Variants in HECTD4 observed in about 807,000 individuals in gnomAD.
HECTD4 encodes the protein HECT domain E3 ubiquitin protein ligase 4.
In HECTD4, 114 loss-of-function variants were observed where a neutral mutation model predicts 471.5. That is an observed-to-expected ratio of 0.24 (90% CI 0.21 to 0.28). The LOEUF (loss-of-function observed/expected upper bound fraction) is 0.28, where lower values mean the gene tolerates loss of function less well. HECTD4 is among the 10% of genes least tolerant of loss of function. The pLI, the probability that HECTD4 is intolerant of heterozygous loss-of-function variation, is 1.00. For missense variants in HECTD4, 3,866 were observed against 5,651.5 expected (o/e 0.68, Z 10.13); for synonymous variants, 2,012 against 2,256.0 (o/e 0.89, Z 3.07).
chr12:112,268,569 A>G (rs1481909174), intron 13 of HECTD4, among the ~76,000 whole-genome samples: 1 of 152,124 alleles, frequency 6.6e-6, no homozygotes, highest in Non-Finnish European at 1.5e-5. Flanking sequence ...CAGCCTGGCC[A>G]ACGTGGTGAA....
At chr12:112,312,883 C>T in intron 4 of HECTD4, 134 bp downstream of exon 4, 2 of 651,738 alleles carry the variant, frequency 3.1e-6, no homozygotes, top group Non-Finnish European at 5.0e-6. Flanking sequence ...AGACAATGAA[C>T]ATACTGAATA....
intron 1 of HECTD4, among the ~76,000 whole-genome samples, chr12:112,333,295 G>A (rs1197335211): frequency 6.6e-6 from 1 of 152,176 alleles, no homozygotes; most frequent in Non-Finnish European, 1.5e-5. Context: ...CTAGATGGCT[G>A]CACCATTTTA....
intron 21 of HECTD4, among the ~76,000 whole-genome samples, chr12:112,256,067 C>T (rs2034002359): frequency 1.3e-5 from 2 of 152,150 alleles, no homozygotes; most frequent in Admixed American, 1.3e-4. Flanking sequence ...TATATCTAAG[C>T]ACCTGAAAGC....
intron 2 of HECTD4, among the ~76,000 whole-genome samples, chr12:112,317,355 T>TA (rs572510452): frequency 1.9e-4 from 29 of 152,214 alleles, no homozygotes; most frequent in South Asian, 1.4e-3. Context: ...CATTTTGCCT[T>TA]AAAAAAACCC....
At position 112,172,798 on chromosome 12, in the gene HECTD4, G is replaced by T; in HGVS notation, c.11658C>A (p.Asp3886Glu). The change falls in exon 67 of 76, where the codon GAC becomes GAA. Residue 3886 changes from aspartate (D) to glutamate (E), a missense_variant. Physicochemically the swap from Asp to Glu is conservative, Grantham distance 45. This residue lies in a region of HECTD4 where 715 missense variants were observed against 1,087.6 expected (regional missense o/e 0.66). Coordinates refer to ENST00000682272, the MANE Select transcript of HECTD4 (RefSeq NM_001388303.1). The stretch of plus-strand genomic sequence containing the variant: ...GGTTGATGTACTGCACAAGTGCCAC[G>T]TCCATCTCCAGGGTCCACTTTCTTG... ...KASRKWTLEM[D>E]VALVQYINQL... 6.2e-7 allele frequency: 1 copy of T among 1,614,004 alleles called. No homozygotes were observed.
chr12:112,314,554 T>C lies in HECTD4; in HGVS notation c.696-8A>G. On this transcript the variant is annotated splice_region_variant and splice_polypyrimidine_tract_variant and intron_variant, in intron 2 of 75. Coordinates refer to ENST00000682272, the MANE Select transcript of HECTD4 (RefSeq NM_001388303.1). ...AAAGTTTTCAATGATCCCCTAAAAA[T>C]AAAAGGAAGGAACAGTAAATCATCA... 2 of 1,412,454 alleles carry C rather than the reference T, an allele frequency of 1.4e-6. No homozygotes were observed. The highest frequency in any genetic ancestry group is 1.9e-6 in the Non-Finnish European group (2 of 1,034,804). 87.5% of individuals were successfully genotyped at this position (1,412,454 alleles called of 1,614,324 possible). A position where few individuals can be genotyped will look rare whatever the true frequency, so the allele number is the denominator to read the frequency against.
intron 24 of HECTD4, among the ~76,000 whole-genome samples, 181 bp from the exon 25 acceptor site, chr12:112,250,558 A>C (rs932149667): frequency 2.6e-4 from 39 of 152,224 alleles, no homozygotes; most frequent in Non-Finnish European, 1.2e-4. Flanking sequence ...ATCTTTGGGG[A>C]TCTAGCTCCC....
rs1399680516 is a variant in HECTD4 at position 112,306,238 on chromosome 12, G to A, written c.1165-4C>T. The A allele has an allele frequency of 1.3e-6, 2 of 1,522,466 alleles. No individual in the cohort carries two copies. Among genetic ancestry groups the A allele is most frequent in the East Asian group, 2.4e-5 (1 of 42,150 alleles). The allele number at this position is 1,522,466 out of a possible 1,614,324, so 94.3% of individuals were successfully genotyped here. On this transcript the variant is annotated splice_polypyrimidine_tract_variant and splice_region_variant and intron_variant, in intron 6 of 75. Coordinates refer to ENST00000682272, the MANE Select transcript of HECTD4 (RefSeq NM_001388303.1). ...GCATTGGCACCACCTGGCACACCTG[G>A]GCATGAAAGGGAGGAAATCTCCATT...
intron 7 of HECTD4, among the ~76,000 whole-genome samples, chr12:112,304,180 C>A (rs976543650): frequency 2.7e-5 from 4 of 149,688 alleles, no homozygotes; most frequent in Non-Finnish European, 5.9e-5. Context: ...TAAAAAAAAG[C>A]ATATCAGAGA....
At chr12:112,320,604 G>A (rs2035566152) in intron 1 of HECTD4, among the ~76,000 whole-genome samples, 1 of 151,970 alleles carries the variant, frequency 6.6e-6, no homozygotes, top group African/African-American at 2.4e-5. Context: ...AGGACCCTGA[G>A]GCAGAAGAAT....
Position 112,373,075 on chromosome 12 carries a change from C to T in HECTD4, c.177+8877G>A, listed in dbSNP as rs189827117. 5.3e-5 allele frequency among the ~76,000 whole-genome samples: 8 copies of T among 152,254 alleles called. No homozygotes were observed. In the East Asian group the frequency reaches 1.5e-3, roughly 29 times the overall value. The stretch of plus-strand genomic sequence containing the variant: ...CATCTTTTTAATTCTGACATTAGCC[C>T]TATCATTATCCCACTCTTTTAGATG... On this transcript the variant is annotated intron_variant, in intron 1 of 75. Transcript: ENST00000682272.
intron 55 of HECTD4, among the ~76,000 whole-genome samples, chr12:112,197,203 C>T (rs774526242): frequency 2.6e-4 from 39 of 152,300 alleles, no homozygotes; most frequent in Non-Finnish European, 4.0e-4. Flanking sequence ...TGAGCCACTG[C>T]GCCTGGCTAT....
chr12:112,199,255 A>G (rs1427096332), intron 55 of HECTD4, among the ~76,000 whole-genome samples: 1 of 152,160 alleles, frequency 6.6e-6, no homozygotes, highest in Non-Finnish European at 1.5e-5. Context: ...TGGTATGCCT[A>G]CTTCCTGTCC....
intron 7 of HECTD4, among the ~76,000 whole-genome samples, chr12:112,293,490 C>T (rs187226282): frequency 1.1e-3 from 160 of 152,000 alleles, no homozygotes; most frequent in African/African-American, 3.6e-3. Flanking sequence ...TGCAGTGAGC[C>T]GAGATCGTGC....
At chr12:112,219,704 A>G in intron 44 of HECTD4, 1 of 353,340 alleles carries the variant, frequency 2.8e-6, no homozygotes, top group Non-Finnish European at 5.1e-6. Context: ...GGTTCAAGAG[A>G]TTCTCCTGCC....
At chr12:112,209,873 C>T (rs1267675735) in intron 50 of HECTD4, 142 bp downstream of exon 50, 1 of 682,740 alleles carries the variant, frequency 1.5e-6, no homozygotes, top group East Asian at 2.7e-5. Context: ...TTCACCAGGC[C>T]TGTGACCCCA....
intron 17 of HECTD4, among the ~76,000 whole-genome samples, chr12:112,262,514 TCAAAAAAAAA>T (rs2034170761): frequency 8.3e-5 from 1 of 12,034 alleles, no homozygotes; most frequent in South Asian, 6.0e-3. Flanking sequence ...AGACTCCATC[TCAAAAAAAAA>T]AAAAAAAAAA....
intron 66 of HECTD4, among the ~76,000 whole-genome samples, chr12:112,174,295 G>A (rs568350046): frequency 2.0e-4 from 30 of 146,354 alleles, no homozygotes; most frequent in African/African-American, 7.6e-4. Flanking sequence ...ACAGAGTGTG[G>A]CTCTTGTTGG....
intron 52 of HECTD4, among the ~76,000 whole-genome samples, chr12:112,205,894 A>G (rs2032567315): frequency 6.6e-6 from 1 of 152,064 alleles, no homozygotes; most frequent in Non-Finnish European, 1.5e-5. Flanking sequence ...GTGCCTGGCC[A>G]GGTTTATTTC....
Sources: gnomAD v4.1 joint callset for allele counts (sites outside exome capture counted in the v4.1 genomes callset) on GRCh38, gnomAD v4.1.1 for gene constraint, gnomAD v4.1.1 regional missense constraint, MANE v1.5 for transcripts, NCBI Gene and HGNC (gene_info 2026-07-23, HGNC 2026-07-21) for gene names.